ZNF407: variants seen among roughly 807,000 people sequenced by gnomAD.
ZNF407 encodes the protein zinc finger protein 407.
In ZNF407, 17 loss-of-function variants were observed where a neutral mutation model predicts 131.2. The ratio of observed to expected loss-of-function variants is 0.13; its 90% CI spans 0.09 to 0.19. The LOEUF is 0.19. Ranked by LOEUF, ZNF407 falls within the 10% of genes least tolerant of loss-of-function variation. The pLI is 1.00. For missense variants in ZNF407, 2,681 were observed against 2,830.6 expected (o/e 0.95, Z 1.20); for synonymous variants, 1,156 against 1,062.0 (o/e 1.09, Z -1.72).
intron 3 of ZNF407, among the ~76,000 whole-genome samples, chr18:74,675,824 C>A (rs1986333232): frequency 6.6e-6 from 1 of 152,082 alleles, no homozygotes; most frequent in African/African-American, 2.4e-5. Context: ...CACTCATTTC[C>A]CTCCCAGTGA....
intron 5 of ZNF407, among the ~76,000 whole-genome samples, chr18:74,879,476 C>T (rs148028287): frequency 2.6e-5 from 4 of 151,990 alleles, no homozygotes; most frequent in East Asian, 3.9e-4. Flanking sequence ...TTAATATTAA[C>T]GAGCAAATTG....
chr18:74,947,889 C>T (rs954522928), intron 8 of ZNF407, among the ~76,000 whole-genome samples: 15 of 152,228 alleles, frequency 9.9e-5, no homozygotes, highest in African/African-American at 2.7e-4. Flanking sequence ...GACCTCTCAG[C>T]TCCCTCTCCT....
At chr18:74,704,013 A>G (rs779364149) in intron 3 of ZNF407, among the ~76,000 whole-genome samples, 16 of 152,126 alleles carry the variant, frequency 1.1e-4, no homozygotes, top group Non-Finnish European at 1.8e-4. Flanking sequence ...AGTTAATGAC[A>G]TAGAAGTACA....
chr18:74,910,150 G>A (rs1288299650), intron 7 of ZNF407, among the ~76,000 whole-genome samples: 2 of 152,034 alleles, frequency 1.3e-5, no homozygotes, highest in African/African-American at 2.4e-5. Flanking sequence ...CTGAAGGAGG[G>A]ACTGACAATA....
At chr18:74,798,117 C>T (rs1472494570) in intron 4 of ZNF407, among the ~76,000 whole-genome samples, 1 of 151,694 alleles carries the variant, frequency 6.6e-6, no homozygotes. Flanking sequence ...TCATAAAATA[C>T]AAACCAGTAC....
chr18:74,815,163 G>A (rs1970250884), intron 4 of ZNF407, among the ~76,000 whole-genome samples: 1 of 151,932 alleles, frequency 6.6e-6, no homozygotes, highest in African/African-American at 2.4e-5. Flanking sequence ...ATAAAAATTA[G>A]GGTTATTAAT....
intron 8 of ZNF407, among the ~76,000 whole-genome samples, chr18:74,965,043 G>T (rs187944041): frequency 0.016 from 2,363 of 152,178 alleles, 69 homozygotes; most frequent in African/African-American, 0.053. Context: ...TTTAATTTTT[G>T]TGAGTACATA....
intron 4 of ZNF407, among the ~76,000 whole-genome samples, chr18:74,843,057 ATATAAG>A (rs1489598424): frequency 1.3e-5 from 2 of 152,130 alleles, no homozygotes; most frequent in Admixed American, 6.5e-5. Flanking sequence ...GGCTCTATAG[ATATAAG>A]TATGTTTCTC....
chr18:74,967,612 C>A (rs1972423803), intron 8 of ZNF407, among the ~76,000 whole-genome samples: 1 of 152,198 alleles, frequency 6.6e-6, no homozygotes, highest in South Asian at 2.1e-4. Flanking sequence ...CTTCCTCCTG[C>A]CTTCAGGCAG....
intron 8 of ZNF407, among the ~76,000 whole-genome samples, chr18:74,930,458 C>T (rs1025637410): frequency 6.6e-6 from 1 of 152,074 alleles, no homozygotes; most frequent in Admixed American, 6.6e-5. Flanking sequence ...CTATTTCTCC[C>T]CAGTCATTTG....
chr18:75,017,852 G>C (rs1251268247), intron 8 of ZNF407, among the ~76,000 whole-genome samples: 1 of 151,992 alleles, frequency 6.6e-6, no homozygotes, highest in African/African-American at 2.4e-5. Context: ...AGAATTACCT[G>C]TTTTCTATCT....
intron 8 of ZNF407, among the ~76,000 whole-genome samples, chr18:74,966,316 A>G (rs1972408934): frequency 1.3e-5 from 2 of 152,160 alleles, no homozygotes; most frequent in African/African-American, 4.8e-5. Context: ...TTAAGTCTTT[A>G]ATCCATTTTT....
chr18:74,621,727 C>A (rs1446736377), intron 1 of ZNF407, among the ~76,000 whole-genome samples: 1 of 152,146 alleles, frequency 6.6e-6, no homozygotes, highest in Non-Finnish European at 1.5e-5. Flanking sequence ...CAAACAGCTC[C>A]GTACTCAAGA....
At chr18:74,772,635 A>G (rs1292779690) in intron 3 of ZNF407, among the ~76,000 whole-genome samples, 1 of 152,100 alleles carries the variant, frequency 6.6e-6, no homozygotes, top group Non-Finnish European at 1.5e-5. Flanking sequence ...TGGAGTGCAT[A>G]TTTCAGCAGT....
At position 74,631,765 on chromosome 18, in the gene ZNF407, G is replaced by A. The variant is rs1984105845; in HGVS notation, c.746G>A (p.Cys249Tyr). 6.2e-7 allele frequency: 1 copy of A among 1,614,036 alleles called. No individual in the cohort carries two copies. The highest frequency in any genetic ancestry group is 8.5e-7 in the Non-Finnish European group (1 of 1,179,900). Residue 249 changes from cysteine to tyrosine, a missense_variant, in exon 2 of 9, where the codon TGT becomes TAT. Cys to Tyr is a radical substitution (Grantham distance 194). Transcript: ENST00000299687. ...CAGAAGGTCTTTTCCTGTGATCTTT[G>A]TGGTTTTCAGTGTTCAGAAGAAAAC... Reference protein sequence around the residue: ...GPQKVFSCDLCGFQCSEENLL... With the variant: ...GPQKVFSCDLYGFQCSEENLL...
In ZNF407 at chr18:74,635,242, T is replaced by A. The variant is rs1441024231; in HGVS notation, c.4223T>A (p.Ile1408Asn). ...VKKKKSEGSS[I>N]GESTRIRCDD... ...AAGAAGAAATCTGAGGGCAGTTCCA[T>A]TGGTGAGTCTACACGAATTCGCTGT... The change falls in exon 2 of 9, where the codon ATT becomes AAT. Residue 1408 changes from isoleucine (I) to asparagine (N), a missense_variant. Physicochemically the swap from Ile to Asn is moderately radical, Grantham distance 149. Around this residue, in one of 6 missense-constraint regions of ZNF407, gnomAD observed 1,789 missense variants for 1,748.7 expected, o/e 1.02. Transcript: ENST00000299687. This position sits in a 1 kb window ranked among gnomAD's most constrained non-coding sequence, Gnocchi z 4.7. 6.2e-7 allele frequency: 1 copy of A among 1,613,902 alleles called. No individual in the cohort carries two copies. Among genetic ancestry groups the A allele is most frequent in the South Asian group, 1.1e-5 (1 of 91,074 alleles).
At position 75,051,978 on chromosome 18, in the gene ZNF407, A is replaced by C. The variant is rs192276135; in HGVS notation, c.5429-11172A>C. Among the ~76,000 whole-genome samples, 44 of 152,310 alleles carry C rather than the reference A, an allele frequency of 2.9e-4. 1 individual carries two copies. Among genetic ancestry groups the C allele is most frequent in the African/African-American group, 8.7e-4 (36 of 41,582 alleles). On this transcript the variant is annotated intron_variant, in intron 8 of 8. Transcript: ENST00000299687. ...TTAGAAAGGCCCGCCTACTTAACTCATGTCTGTCCTCCACCCAGAATGCCA... is the reference window on the plus strand; with the variant it reads ...TTAGAAAGGCCCGCCTACTTAACTCCTGTCTGTCCTCCACCCAGAATGCCA...
intron 4 of ZNF407, among the ~76,000 whole-genome samples, chr18:74,844,600 G>A (rs1488510409): frequency 6.6e-6 from 1 of 151,862 alleles, no homozygotes; most frequent in Non-Finnish European, 1.5e-5. Context: ...ACATATAAAT[G>A]GTAGTTATCT....
chr18:74,908,932 TAAATG>T (rs1971631799), intron 7 of ZNF407, among the ~76,000 whole-genome samples: 1 of 152,116 alleles, frequency 6.6e-6, no homozygotes, highest in African/African-American at 2.4e-5. Context: ...TCCTGGTAAA[TAAATG>T]TAATTAACTT....
Sources: allele counts gnomAD v4.1 joint callset (sites outside exome capture counted in the v4.1 genomes callset), GRCh38; gene constraint gnomAD v4.1.1; regional missense constraint gnomAD v4.1.1; non-coding constraint Gnocchi (gnomAD v3.1); transcripts MANE v1.5; gene names NCBI Gene and HGNC (gene_info 2026-07-23, HGNC 2026-07-21).